CYP2C19: variants seen among roughly 807,000 people sequenced by gnomAD.
CYP2C19 encodes the protein cytochrome P450 2C19.
A neutral mutation model predicts 40.9 loss-of-function variants in CYP2C19; 59 were observed. The ratio of observed to expected loss-of-function variants is 1.44; its 90% CI spans 1.17 to 1.79. CYP2C19 has a LOEUF of 1.79. CYP2C19 is among the 40% of genes most tolerant of loss of function. The pLI is 0.00. For synonymous variants in CYP2C19, 253 were observed against 208.7 expected, an observed-to-expected ratio of 1.21 and a Z score of -1.83; for missense variants, 754 against 596.9, an observed-to-expected ratio of 1.26 and a Z score of -2.74.
At position 94,762,765 on chromosome 10, in the gene CYP2C19, G is replaced by A; in HGVS notation, c.60G>A (p.Trp20Ter). 6.2e-7 allele frequency: 1 copy of A among 1,613,940 alleles called. No individual in the cohort carries two copies. Among genetic ancestry groups the A allele is most frequent in the Non-Finnish European group, 8.5e-7 (1 of 1,179,926 alleles). Residue 20 changes from tryptophan (W) to a stop codon, truncating the protein, a stop_gained, in exon 1 of 9, where the codon TGG (tryptophan) becomes TGA (stop). Coordinates refer to ENST00000371321, the MANE Select transcript of CYP2C19 (RefSeq NM_000769.4). LOFTEE classifies it high-confidence loss of function. ...CATGTTTGCTTCTCCTTTCAATCTGGAGACAGAGCTCTGGGAGAGGAAAAC... is the reference window on the plus strand; with the variant it reads ...CATGTTTGCTTCTCCTTTCAATCTGAAGACAGAGCTCTGGGAGAGGAAAAC... ...CLSCLLLLSI[W>*]RQSSGRGKLP...
intron 1 of CYP2C19, among the ~76,000 whole-genome samples, chr10:94,764,578 G>A (rs951129691): frequency 1.3e-5 from 2 of 152,108 alleles, no homozygotes; most frequent in African/African-American, 4.8e-5. Flanking sequence ...GGTGATGACT[G>A]CTGTAGCTAC....
At chr10:94,823,889 T>A (rs1849169004) in intron 6 of CYP2C19, among the ~76,000 whole-genome samples, 1 of 152,098 alleles carries the variant, frequency 6.6e-6, no homozygotes, top group Non-Finnish European at 1.5e-5. Flanking sequence ...AATGAGAGTG[T>A]CAGGGAGGCT....
At chr10:94,827,893 C>G (rs1409436769) in intron 6 of CYP2C19, among the ~76,000 whole-genome samples, 2 of 151,822 alleles carry the variant, frequency 1.3e-5, no homozygotes, top group Admixed American at 1.3e-4. Flanking sequence ...CAAAGAACAT[C>G]TTTATTTCTG....
At chr10:94,795,509 G>A (rs1848670824) in intron 5 of CYP2C19, among the ~76,000 whole-genome samples, 1 of 152,072 alleles carries the variant, frequency 6.6e-6, no homozygotes, top group Non-Finnish European at 1.5e-5. Context: ...AATCTTTTGG[G>A]TATTTACCCA....
Position 94,854,567 on chromosome 10 carries a change from C to T in CYP2C19, c.*1653C>T, listed in dbSNP as rs540975573. Among the ~76,000 whole-genome samples, 5 of 151,966 alleles carry T rather than the reference C, an allele frequency of 3.3e-5. No homozygotes were observed. The East Asian group carries it at 5.8e-4, about 18-fold the overall frequency. On this transcript the variant is annotated 3_prime_UTR_variant, in exon 9 of 9. Coordinates refer to ENST00000371321, the MANE Select transcript of CYP2C19 (RefSeq NM_000769.4). ...TGATTATGCTTTTCACAGCTCATCT[C>T]CTAGAACAAGCTACTTACAATTTGG...
chr10:94,797,627 T>G lies in CYP2C19; in HGVS notation c.819+15630T>G, dbSNP rs537460375. The stretch of plus-strand genomic sequence containing the variant: ...TGAATCCTTCTGGTCCTGAACTTTT[T>G]TTTTGGTTGGTAGGCTATTAATTAT... On this transcript the variant is annotated intron_variant, in intron 5 of 8. Coordinates refer to ENST00000371321, the MANE Select transcript of CYP2C19 (RefSeq NM_000769.4). 3.3e-5 allele frequency among the ~76,000 whole-genome samples: 5 copies of G among 152,228 alleles called. 1 individual carries two copies. Among genetic ancestry groups the G allele is most frequent in the South Asian group, 2.1e-4 (1 of 4,828 alleles).
chr10:94,772,816 C>T (rs1328835707), intron 1 of CYP2C19, among the ~76,000 whole-genome samples: 1 of 152,174 alleles, frequency 6.6e-6, no homozygotes, highest in Admixed American at 6.5e-5. Context: ...GCTCTGTCGC[C>T]CAGGCCGGAC....
In CYP2C19 at chr10:94,775,221, G is replaced by C; in HGVS notation, c.331+1G>C. 1 of 1,614,102 alleles carries C rather than the reference G, an allele frequency of 6.2e-7. No homozygotes were observed. The highest frequency in any genetic ancestry group is 8.5e-7 in the Non-Finnish European group (1 of 1,180,016). On this transcript the variant is annotated splice_donor_variant, in intron 2 of 8. Transcript: ENST00000371321. LOFTEE classifies it high-confidence loss of function. ...GCTGAAAGAGCTAACAGAGGATTTG[G>C]TAGGTGTGCAAGTGCCTGTTTCAGC... is the stretch of plus-strand genomic sequence containing the variant.
rs6144036 is a variant in CYP2C19, at chr10:94,779,551, T to TTTTTC, written c.482-933_482-929dup. On this transcript the variant is annotated intron_variant, in intron 3 of 8. Transcript: ENST00000371321. ...CCATTTATTAATTTACTTTTTTTCC[T>TTTTTC]TTTTCTTTTCTTTTCTTTTTTTTTT... 7.3e-3 allele frequency among the ~76,000 whole-genome samples: 997 copies of TTTTTC among 136,182 alleles called. 7 individuals carry two copies. The highest frequency in any genetic ancestry group is 0.015 in the African/African-American group (553 of 37,202). The allele number at this position is 136,182 out of a possible 152,430, so 89.3% of individuals were successfully genotyped here. A position where few individuals can be genotyped will look rare whatever the true frequency, so the allele number is the denominator to read the frequency against.
chr10:94,830,810 G>C (rs1453236368), intron 6 of CYP2C19, among the ~76,000 whole-genome samples: 1 of 151,786 alleles, frequency 6.6e-6, no homozygotes, highest in African/African-American at 2.4e-5. Flanking sequence ...ATGTTTGTGG[G>C]GTACAGGAGA....
chr10:94,801,021 T>C (rs902789016), intron 5 of CYP2C19, among the ~76,000 whole-genome samples: 1 of 152,196 alleles, frequency 6.6e-6, no homozygotes, highest in Non-Finnish European at 1.5e-5. Flanking sequence ...CTCCATGGGC[T>C]GCACCCATTG....
chr10:94,800,926 C>T (rs1246726612), intron 5 of CYP2C19, among the ~76,000 whole-genome samples: 7 of 152,190 alleles, frequency 4.6e-5, no homozygotes, highest in South Asian at 2.1e-4. Flanking sequence ...TCATCTCTCA[C>T]GGCTTCCCTT....
At chr10:94,796,755 C>T (rs921020947) in intron 5 of CYP2C19, among the ~76,000 whole-genome samples, 2 of 152,116 alleles carry the variant, frequency 1.3e-5, no homozygotes, top group Non-Finnish European at 2.9e-5. Flanking sequence ...CTCTTTGAAG[C>T]AGTTGTGAAT....
chr10:94,774,922 A>G, intron 1 of CYP2C19, 136 bp from the exon 2 acceptor site: 1 of 931,588 alleles, frequency 1.1e-6, no homozygotes, highest in Non-Finnish European at 1.6e-6. Context: ...ATGTTTATAT[A>G]TAAAATTCAG....
chr10:94,820,548 C>T lies in CYP2C19; in HGVS notation c.872C>T (p.Ala291Val). The T allele has an allele frequency of 6.2e-7, 1 of 1,614,160 alleles. No homozygotes were observed. Among genetic ancestry groups the T allele is most frequent in the East Asian group, 2.2e-5 (1 of 44,876 alleles). The part of the protein sequence containing the change: ...EFTIENLVIT[A>V]ADLLGAGTET... ...ACTATTGAAAACTTGGTAATCACTGCAGCTGACTTACTTGGAGCTGGGACA... is the reference window on the plus strand; with the variant it reads ...ACTATTGAAAACTTGGTAATCACTGTAGCTGACTTACTTGGAGCTGGGACA... Residue 291 changes from alanine (A) to valine (V), a missense_variant, in exon 6 of 9, where the codon GCA becomes GTA. By Grantham distance (64) the Ala-to-Val change is moderately conservative (BLOSUM62 0). Transcript: ENST00000371321.
chr10:94,789,176 C>T (rs1298643098), intron 5 of CYP2C19, among the ~76,000 whole-genome samples: 1 of 151,798 alleles, frequency 6.6e-6, no homozygotes, highest in Non-Finnish European at 1.5e-5. Context: ...ATCCTTCACC[C>T]ACTTTTTGAT....
intron 6 of CYP2C19, among the ~76,000 whole-genome samples, chr10:94,821,597 G>A (rs1431117174): frequency 6.6e-6 from 1 of 152,104 alleles, no homozygotes; most frequent in Non-Finnish European, 1.5e-5. Flanking sequence ...ATATTTTTGG[G>A]GGGGCCAATA....
chr10:94,849,885 C>G (rs1403691729), intron 7 of CYP2C19, 32 bp from the exon 8 acceptor site: 2 of 1,612,912 alleles, frequency 1.2e-6, no homozygotes, highest in Middle Eastern at 1.6e-4. Context: ...GACTTCTTTA[C>G]AGCTCAGTTC....
chr10:94,772,834 T>G (rs920649569), intron 1 of CYP2C19, among the ~76,000 whole-genome samples: 2 of 152,204 alleles, frequency 1.3e-5, no homozygotes, highest in Non-Finnish European at 2.9e-5. Flanking sequence ...GACTGCGGAC[T>G]GCAGTGGCGC....
Sources: allele counts gnomAD v4.1 joint callset (sites outside exome capture counted in the v4.1 genomes callset), GRCh38; gene constraint gnomAD v4.1.1; transcripts MANE v1.5; gene names NCBI Gene and HGNC (gene_info 2026-07-23, HGNC 2026-07-21).